The following CERT1 variants were observed in gnomAD, a reference collection of about 807,000 sequenced individuals.
The protein encoded by CERT1 is ceramide transfer protein.
Under a neutral mutation model 87.9 loss-of-function variants are expected in CERT1, and 31 were observed. The ratio of observed to expected loss-of-function variants is 0.35; its 90% CI spans 0.27 to 0.48. The LOEUF is 0.48. CERT1 is among the 20% of genes least tolerant of loss of function. The pLI is 0.99. For synonymous variants in CERT1, 289 were observed against 250.9 expected, an observed-to-expected ratio of 1.15 and a Z score of -1.44; for missense variants, 487 against 758.0, an observed-to-expected ratio of 0.64 and a Z score of 4.20.
rs553763850 is a variant in CERT1, at chr5:75,462,732, C to T, written c.232-3551G>A. Among the ~76,000 whole-genome samples, 5 of 152,210 alleles carry T rather than the reference C, an allele frequency of 3.3e-5. No homozygotes were observed. The South Asian group carries it at 8.3e-4, about 25-fold the overall frequency. On this transcript the variant is annotated intron_variant, in intron 2 of 16. Transcript: ENST00000643780. Reference sequence around the variant, plus strand: ...GGTTTAAAAAGTCATGGATGGCCCACGCCTGTAATCCCAGCACTTTGGGAG... The same window carrying T: ...GGTTTAAAAAGTCATGGATGGCCCATGCCTGTAATCCCAGCACTTTGGGAG...
At chr5:75,434,635 G>A (rs1487081748) in intron 3 of CERT1, among the ~76,000 whole-genome samples, 2 of 150,102 alleles carry the variant, frequency 1.3e-5, no homozygotes, top group Non-Finnish European at 3.0e-5. Context: ...TTTTCTGATT[G>A]GTAGGTTTTT....
At chr5:75,472,417 T>C (rs1385545735) in intron 2 of CERT1, among the ~76,000 whole-genome samples, 1 of 151,994 alleles carries the variant, frequency 6.6e-6, no homozygotes, top group African/African-American at 2.4e-5. Context: ...AAATAAAAAA[T>C]AGATGAGATT....
intron 3 of CERT1, among the ~76,000 whole-genome samples, chr5:75,430,738 A>C (rs77435307): frequency 0.017 from 2,576 of 150,854 alleles, 32 homozygotes; most frequent in Non-Finnish European, 0.026. Flanking sequence ...TCAGTTCACA[A>C]AAAAAAAAAG....
At chr5:75,389,533 G>T in intron 12 of CERT1, 59 bp downstream of exon 12, 1 of 1,260,150 alleles carries the variant, frequency 7.9e-7, no homozygotes, top group Non-Finnish European at 1.2e-6. Flanking sequence ...CAATAGTAAT[G>T]ATAATATGAC....
At chr5:75,404,757 C>G (rs1332617607) in intron 8 of CERT1, among the ~76,000 whole-genome samples, 3 of 152,058 alleles carry the variant, frequency 2.0e-5, no homozygotes, top group Non-Finnish European at 4.4e-5. Flanking sequence ...GCCTATAAAC[C>G]CAGCACTCTG....
chr5:75,400,690 C>T (rs1762436017), intron 9 of CERT1: 1 of 164,304 alleles, frequency 6.1e-6, no homozygotes, highest in Non-Finnish European at 1.3e-5. Context: ...GGCTGACTCA[C>T]AGGTTTATAT....
rs142680300 is a variant in CERT1 at position 75,371,029 on chromosome 5, C to T, written c.*10-2371G>A. 4.0e-5 allele frequency: 6 copies of T among 150,804 alleles called. No individual in the cohort carries two copies. In the East Asian group the frequency reaches 9.7e-4, roughly 24 times the overall value. The allele number at this position is 150,804 out of a possible 1,614,324, so 9.3% of individuals were successfully genotyped here. On this transcript the variant is annotated intron_variant, in intron 17 of 17. Coordinates refer to the CERT1 transcript ENST00000261415. ...ATCCCTAACTGGGTTACGGGAAGAA[C>T]ACTGAATTTCAAGCTCTTAACTATT...
chr5:75,421,909 G>C (rs1214246912), intron 5 of CERT1, among the ~76,000 whole-genome samples: 2 of 152,062 alleles, frequency 1.3e-5, no homozygotes, highest in Non-Finnish European at 2.9e-5. Flanking sequence ...CAATTTAAAG[G>C]AGTTGTTTTC....
chr5:75,427,754 C>CA (rs2112193529), intron 3 of CERT1, among the ~76,000 whole-genome samples: 1 of 152,218 alleles, frequency 6.6e-6, no homozygotes, highest in Non-Finnish European at 1.5e-5. Flanking sequence ...TTATATTGAA[C>CA]AGCTTTTCTT....
intron 2 of CERT1, among the ~76,000 whole-genome samples, chr5:75,479,179 T>TA (rs999272898): frequency 6.6e-5 from 10 of 152,166 alleles, no homozygotes; most frequent in Non-Finnish European, 1.3e-4. Context: ...CTTGCAGCAT[T>TA]AAAAAACTCA....
chr5:75,412,632 A>G (rs1762976545), intron 7 of CERT1, among the ~76,000 whole-genome samples: 1 of 152,224 alleles, frequency 6.6e-6, no homozygotes, highest in Non-Finnish European at 1.5e-5. Flanking sequence ...AACATTTACA[A>G]CATATGACTG....
intron 2 of CERT1, among the ~76,000 whole-genome samples, chr5:75,490,431 C>A (rs1766729475): frequency 6.6e-6 from 1 of 150,594 alleles, no homozygotes; most frequent in African/African-American, 2.4e-5. Context: ...TTTTTCTGAT[C>A]CTTTTTATCT....
intron 2 of CERT1, among the ~76,000 whole-genome samples, chr5:75,478,997 A>G (rs1252338078): frequency 6.6e-6 from 1 of 150,566 alleles, no homozygotes; most frequent in African/African-American, 2.4e-5. Flanking sequence ...TCTATTAGCC[A>G]TATCTAGGAC....
At chr5:75,424,945 C>T (rs1458678686) in intron 5 of CERT1, among the ~76,000 whole-genome samples, 1 of 151,956 alleles carries the variant, frequency 6.6e-6, no homozygotes. Flanking sequence ...AGACCCCCGT[C>T]TCTATAAAAA....
chr5:75,449,189 G>A (rs777161460), intron 3 of CERT1, among the ~76,000 whole-genome samples: 2 of 152,172 alleles, frequency 1.3e-5, no homozygotes, highest in African/African-American at 2.4e-5. Flanking sequence ...GATTAAGGCA[G>A]TTAGGGGTTG....
chr5:75,386,224 G>A (rs1353839306), intron 12 of CERT1, among the ~76,000 whole-genome samples, 190 bp from the exon 13 acceptor site: 1 of 152,102 alleles, frequency 6.6e-6, no homozygotes, highest in African/African-American at 2.4e-5. Context: ...TAAATCCAAG[G>A]TAAACCTCAG....
chr5:75,495,850 G>C (rs952075435), intron 2 of CERT1, among the ~76,000 whole-genome samples: 6 of 151,996 alleles, frequency 3.9e-5, no homozygotes, highest in Admixed American at 1.3e-4. Context: ...CAGCACACCA[G>C]CATGGCACAT....
chr5:75,446,512 T>C (rs1764543270), intron 3 of CERT1, among the ~76,000 whole-genome samples: 1 of 152,224 alleles, frequency 6.6e-6, no homozygotes, highest in African/African-American at 2.4e-5. Flanking sequence ...GGACAGTTCC[T>C]GTTGATCTAC....
At chr5:75,389,711 T>A (rs751469102) in intron 11 of CERT1, 24 bp from the exon 12 acceptor site, 4 of 1,555,120 alleles carry the variant, frequency 2.6e-6, no homozygotes, top group South Asian at 1.1e-5. Context: ...GAAAAAGGCA[T>A]GAGAATCCAA....
Sources: gnomAD v4.1 joint callset for allele counts (sites outside exome capture counted in the v4.1 genomes callset) on GRCh38, gnomAD v4.1.1 for gene constraint, MANE v1.5 for transcripts, NCBI Gene and HGNC (gene_info 2026-07-23, HGNC 2026-07-21) for gene names.